The following CCSER1 variants were observed in gnomAD, a reference collection of about 807,000 sequenced individuals.
The protein encoded by CCSER1 is coiled-coil serine rich protein 1, also known as serine-rich coiled-coil domain-containing protein 1.
A neutral mutation model predicts 82.0 loss-of-function variants in CCSER1; 41 were observed. The ratio of observed to expected loss-of-function variants is 0.50; its 90% CI spans 0.39 to 0.65. The LOEUF (loss-of-function observed/expected upper bound fraction) is 0.65, where lower values mean the gene tolerates loss of function less well. Among genes scored for constraint, CCSER1 ranks in the 30% least tolerant of loss-of-function variants. CCSER1 has a pLI of 0.00. For missense variants in CCSER1, 1,119 were observed against 1,064.2 expected (o/e 1.05, Z -0.72); for synonymous variants, 414 against 383.9 (o/e 1.08, Z -0.92).
intron 4 of CCSER1, among the ~76,000 whole-genome samples, chr4:90,404,786 A>C (rs1427437415): frequency 6.6e-6 from 1 of 152,184 alleles, no homozygotes; most frequent in Admixed American, 6.5e-5. Context: ...TTCGGCTCTC[A>C]GGAAGTCCCA....
intron 7 of CCSER1, among the ~76,000 whole-genome samples, chr4:90,795,789 A>T (rs188369850): frequency 1.1e-3 from 173 of 152,248 alleles, no homozygotes; most frequent in African/African-American, 4.1e-3. Context: ...TTATGTGATG[A>T]ATCACATTTA....
intron 10 of CCSER1, among the ~76,000 whole-genome samples, chr4:91,212,364 A>T (rs1736887752): frequency 6.6e-6 from 1 of 152,028 alleles, no homozygotes; most frequent in African/African-American, 2.4e-5. Context: ...AGATGCATCC[A>T]CATTCTCCCC....
intron 3 of CCSER1, among the ~76,000 whole-genome samples, chr4:90,377,796 C>A (rs1035038013): frequency 6.6e-6 from 1 of 151,772 alleles, no homozygotes; most frequent in Non-Finnish European, 1.5e-5. Flanking sequence ...CAGGGATTAA[C>A]AAAACATAAT....
intron 5 of CCSER1, among the ~76,000 whole-genome samples, chr4:90,521,164 T>C (rs1424717148): frequency 2.0e-5 from 3 of 152,080 alleles, no homozygotes; most frequent in African/African-American, 7.3e-5. Flanking sequence ...TGTGCTTCTC[T>C]TAAGTTCCCA....
intron 10 of CCSER1, among the ~76,000 whole-genome samples, chr4:91,479,956 T>C (rs918971333): frequency 7.7e-6 from 1 of 130,284 alleles, no homozygotes; most frequent in African/African-American, 2.9e-5. Flanking sequence ...TGTGATCTCA[T>C]TGTTCAATTC....
At chr4:90,292,795 A>G (rs1453651085) in intron 1 of CCSER1, among the ~76,000 whole-genome samples, 1 of 151,956 alleles carries the variant, frequency 6.6e-6, no homozygotes, top group Non-Finnish European at 1.5e-5. Flanking sequence ...CATGCACTGA[A>G]AATGTTGGAT....
intron 8 of CCSER1, among the ~76,000 whole-genome samples, chr4:90,921,051 G>T (rs1373730212): frequency 6.6e-6 from 1 of 151,516 alleles, no homozygotes; most frequent in Non-Finnish European, 1.5e-5. Context: ...AAAATTATCT[G>T]CAATTCTACC....
intron 4 of CCSER1, among the ~76,000 whole-genome samples, chr4:90,413,463 A>G (rs140719439): frequency 6.6e-6 from 1 of 152,304 alleles, no homozygotes; most frequent in East Asian, 1.9e-4. Flanking sequence ...TAAAATTCAT[A>G]TGGAACCATA....
intron 9 of CCSER1, among the ~76,000 whole-genome samples, chr4:91,046,462 A>G (rs1172554464): frequency 6.6e-6 from 1 of 152,110 alleles, no homozygotes; most frequent in Non-Finnish European, 1.5e-5. Flanking sequence ...AAATTGAACT[A>G]CTTTCTGTTT....
At chr4:91,377,003 C>G (rs534978224) in intron 10 of CCSER1, among the ~76,000 whole-genome samples, 1 of 148,966 alleles carries the variant, frequency 6.7e-6, no homozygotes. Flanking sequence ...TGTGGTGTTT[C>G]GTTTTTTGTC....
At chr4:90,391,477 TATATATATACAC>T (rs1239493720) in intron 3 of CCSER1, among the ~76,000 whole-genome samples, 6 of 91,180 alleles carry the variant, frequency 6.6e-5, no homozygotes, top group African/African-American at 1.3e-4. Flanking sequence ...TATATATATA[TATATATATACAC>T]ACACACAGTG....
At chr4:91,459,079 T>G (rs1023033927) in intron 10 of CCSER1, among the ~76,000 whole-genome samples, 3 of 152,118 alleles carry the variant, frequency 2.0e-5, no homozygotes, top group South Asian at 4.1e-4. Context: ...AAAATCAATT[T>G]TAAATAATCA....
At chr4:90,772,818 T>G (rs1752375104) in intron 7 of CCSER1, among the ~76,000 whole-genome samples, 1 of 152,168 alleles carries the variant, frequency 6.6e-6, no homozygotes, top group South Asian at 2.1e-4. Flanking sequence ...ATCCTTACCT[T>G]TTATGTCCCA....
At chr4:91,463,638 C>T (rs80117544) in intron 10 of CCSER1, among the ~76,000 whole-genome samples, 3 of 151,964 alleles carry the variant, frequency 2.0e-5, no homozygotes, top group East Asian at 1.9e-4. Context: ...ATTAGAATAA[C>T]CAGTGTAGAG....
At chr4:90,254,309 G>T (rs1426555538) in intron 1 of CCSER1, among the ~76,000 whole-genome samples, 1 of 152,098 alleles carries the variant, frequency 6.6e-6, no homozygotes, top group Non-Finnish European at 1.5e-5. Flanking sequence ...CAGAGCTGGT[G>T]GTCAGGAAGT....
intron 10 of CCSER1, among the ~76,000 whole-genome samples, chr4:91,375,985 TA>T (rs1750382037): frequency 6.6e-6 from 1 of 152,072 alleles, no homozygotes; most frequent in Admixed American, 6.6e-5. Context: ...TTATATATAT[TA>T]AAAAGATGGA....
intron 8 of CCSER1, chr4:90,911,211 C>G (rs1391608119): frequency 3.5e-5 from 15 of 432,340 alleles, no homozygotes; most frequent in Non-Finnish European, 5.9e-5. Context: ...CAATTTTCTA[C>G]AACAAAAAAA....
Position 91,490,922 on chromosome 4 carries a change from AT to A in CCSER1, c.2218-107649del, listed in dbSNP as rs1560712493. Among the ~76,000 whole-genome samples the A allele has an allele frequency of 7.4e-4, 65 of 88,298 alleles. 1 individual carries two copies. Among genetic ancestry groups the A allele is most frequent in the Non-Finnish European group, 1.1e-3 (50 of 44,286 alleles). 57.9% of individuals were successfully genotyped at this position (88,298 alleles called of 152,430 possible). A position where few individuals can be genotyped will look rare whatever the true frequency, so the allele number is the denominator to read the frequency against. ...TATATATATATATATATATATATAT[AT>A]ATATAAAATATGCGTCTACTATGTA... is the stretch of plus-strand genomic sequence containing the variant. On this transcript the variant is annotated intron_variant, in intron 10 of 10. Coordinates refer to ENST00000509176, the MANE Select transcript of CCSER1 (RefSeq NM_001145065.2).
chr4:91,416,978 AG>A (rs1753403594), intron 10 of CCSER1, among the ~76,000 whole-genome samples: 2 of 152,222 alleles, frequency 1.3e-5, no homozygotes, highest in Non-Finnish European at 2.9e-5. Flanking sequence ...TAATATCCAG[AG>A]TCTACAAGGA....
Sources: allele counts gnomAD v4.1 joint callset (sites outside exome capture counted in the v4.1 genomes callset), GRCh38; gene constraint gnomAD v4.1.1; transcripts MANE v1.5; gene names NCBI Gene and HGNC (gene_info 2026-07-23, HGNC 2026-07-21).